Variants in PAK2 observed in about 807,000 individuals in gnomAD.
The protein encoded by PAK2 is p21 (RAC1) activated kinase 2, also known as serine/threonine-protein kinase PAK 2.
A neutral mutation model predicts 65.9 loss-of-function variants in PAK2; 21 were observed. The ratio of observed to expected loss-of-function variants is 0.32; its 90% CI spans 0.23 to 0.46. PAK2 has a LOEUF of 0.46. Ranked by LOEUF, PAK2 falls within the 20% of genes least tolerant of loss-of-function variation. The probability of loss-of-function intolerance (pLI) is 1.00; values close to 1 mark genes in which losing one functional copy is unlikely to be tolerated. For missense variants in PAK2, 324 were observed against 642.6 expected, an observed-to-expected ratio of 0.50 and a Z score of 5.36; for synonymous variants, 204 against 219.7, an observed-to-expected ratio of 0.93 and a Z score of 0.63.
chr3:196,817,378 T>TC (rs1711513579), intron 11 of PAK2, among the ~76,000 whole-genome samples: 1 of 151,584 alleles, frequency 6.6e-6, no homozygotes, highest in African/African-American at 2.4e-5. Flanking sequence ...CGAGATGGAG[T>TC]CTTGCTCTGT....
chr3:196,741,232 G>A (rs1221652456), intron 1 of PAK2, among the ~76,000 whole-genome samples: 1 of 152,176 alleles, frequency 6.6e-6, no homozygotes, highest in Non-Finnish European at 1.5e-5. Context: ...GCTCTTATAA[G>A]TAGGCAGGAT....
In PAK2 at chr3:196,805,330, TTA is replaced by T; in HGVS notation, c.437-20_437-19del. 1 of 1,336,884 alleles carries T rather than the reference TTA, an allele frequency of 7.5e-7. No individual in the cohort carries two copies. Among genetic ancestry groups the T allele is most frequent in the East Asian group, 2.5e-5 (1 of 39,784 alleles). 82.8% of individuals were successfully genotyped at this position (1,336,884 alleles called of 1,614,324 possible). Reference sequence around the variant, plus strand: ...AGTGCTGTTTCTTGAATTGCTAATGTTATGTTTTGTTTCATATTCAGAGAAAG... The same window carrying T: ...AGTGCTGTTTCTTGAATTGCTAATGTTGTTTTGTTTCATATTCAGAGAAAG... On this transcript the variant is annotated intron_variant, in intron 4 of 14. Coordinates refer to ENST00000327134, the MANE Select transcript of PAK2 (RefSeq NM_002577.4).
intron 10 of PAK2, among the ~76,000 whole-genome samples, chr3:196,814,110 T>C (rs1177305044): frequency 1.3e-5 from 2 of 152,184 alleles, no homozygotes; most frequent in Non-Finnish European, 2.9e-5. Flanking sequence ...AATAGCTGTG[T>C]GCCCTTGGAT....
intron 2 of PAK2, among the ~76,000 whole-genome samples, chr3:196,797,792 T>C (rs1447190314): frequency 2.6e-5 from 4 of 151,788 alleles, no homozygotes; most frequent in African/African-American, 9.7e-5. Flanking sequence ...TTATATAAAG[T>C]GTGTTCTTGT....
chr3:196,759,448 A>G (rs1015747202), intron 1 of PAK2, among the ~76,000 whole-genome samples: 3 of 146,564 alleles, frequency 2.0e-5, no homozygotes, highest in East Asian at 3.9e-4. Context: ...ACAGATATTC[A>G]TATACAGTAA....
At chr3:196,806,430 C>T in intron 5 of PAK2, 149 bp from the exon 6 acceptor site, 2 of 563,764 alleles carry the variant, frequency 3.5e-6, no homozygotes, top group Non-Finnish European at 6.4e-6. Context: ...GATTATAATT[C>T]TATTGAGTTA....
intron 12 of PAK2, among the ~76,000 whole-genome samples, chr3:196,818,817 C>CTA (rs1711559768): frequency 6.6e-6 from 1 of 151,944 alleles, no homozygotes; most frequent in Non-Finnish European, 1.5e-5. Context: ...TGTCTTTATG[C>CTA]CTCAGTATTC....
intron 1 of PAK2, among the ~76,000 whole-genome samples, chr3:196,742,017 A>G (rs1416593183): frequency 6.6e-6 from 1 of 152,068 alleles, no homozygotes; most frequent in African/African-American, 2.4e-5. Flanking sequence ...TTAAGTTTAT[A>G]GTTCGAGTAT....
intron 13 of PAK2, among the ~76,000 whole-genome samples, chr3:196,823,818 A>G (rs1303350738): frequency 6.6e-6 from 1 of 151,608 alleles, no homozygotes; most frequent in Non-Finnish European, 1.5e-5. Flanking sequence ...TCGCAAAAAA[A>G]AAAAAAAAGA....
intron 1 of PAK2, among the ~76,000 whole-genome samples, chr3:196,780,761 G>A (rs1382356828): frequency 6.6e-6 from 1 of 152,116 alleles, no homozygotes; most frequent in Non-Finnish European, 1.5e-5. Context: ...TGTAAGATTT[G>A]GTATAAGCTT....
intron 13 of PAK2, among the ~76,000 whole-genome samples, chr3:196,823,608 G>A (rs140683063): frequency 5.3e-4 from 81 of 152,080 alleles, no homozygotes; most frequent in Non-Finnish European, 1.1e-3. Flanking sequence ...GCTCATGCTT[G>A]TAATCTCAGC....
At chr3:196,815,374 C>G (rs1715979951) in intron 11 of PAK2, among the ~76,000 whole-genome samples, 1 of 151,734 alleles carries the variant, frequency 6.6e-6, no homozygotes, top group South Asian at 2.1e-4. Context: ...CGCCTGTAAT[C>G]CCAGCTACTC....
rs965685083 is a variant in PAK2 at position 196,830,429 on chromosome 3, T to G, written c.*2024T>G. 2.0e-5 allele frequency: 3 copies of G among 152,192 alleles called. No individual in the cohort carries two copies. Among genetic ancestry groups the G allele is most frequent in the Non-Finnish European group, 4.4e-5 (3 of 68,044 alleles). The allele number at this position is 152,192 out of a possible 1,614,324, so 9.4% of individuals were successfully genotyped here. On this transcript the variant is annotated 3_prime_UTR_variant, in exon 15 of 15. Coordinates refer to ENST00000327134, the MANE Select transcript of PAK2 (RefSeq NM_002577.4). ...CATTCTTTGTAAACAGTTGGATGGA[T>G]TATGATAAAGAAGATGCTACCAATG...
intron 13 of PAK2, among the ~76,000 whole-genome samples, chr3:196,825,238 C>T (rs553101495): frequency 2.6e-5 from 4 of 151,674 alleles, no homozygotes; most frequent in East Asian, 1.9e-4. Context: ...CCCAGCTACT[C>T]GGGAGGCTGA....
intron 1 of PAK2, among the ~76,000 whole-genome samples, chr3:196,772,551 C>G (rs938417068): frequency 6.6e-6 from 1 of 152,178 alleles, no homozygotes; most frequent in Admixed American, 6.6e-5. Flanking sequence ...TTCTGCATCT[C>G]TTTTCTCGCT....
Position 196,807,161 on chromosome 3 carries a change from A to AG in PAK2, c.576+477dup, listed in dbSNP as rs1309995218. ...AAAAATGATGACCTTAAATGGAGCC[A>AG]GGAAGAGAGGAATGACTGCGGTTAC... On this transcript the variant is annotated intron_variant, in intron 6 of 14. Coordinates refer to ENST00000327134, the MANE Select transcript of PAK2 (RefSeq NM_002577.4). 9.3e-4 allele frequency among the ~76,000 whole-genome samples: 141 copies of AG among 152,318 alleles called. 1 individual carries two copies. Among genetic ancestry groups the AG allele is most frequent in the African/African-American group, 3.3e-3 (138 of 41,566 alleles).
chr3:196,811,426 G>C (rs1715820343), intron 8 of PAK2, among the ~76,000 whole-genome samples: 1 of 84,412 alleles, frequency 1.2e-5, no homozygotes, highest in Non-Finnish European at 2.1e-5. Flanking sequence ...CTGTCACTCA[G>C]GCTGGAGTGC....
intron 1 of PAK2, among the ~76,000 whole-genome samples, chr3:196,746,813 T>TAAAAA (rs71621294): frequency 1.5e-5 from 2 of 129,080 alleles, no homozygotes; most frequent in Non-Finnish European, 3.2e-5. Flanking sequence ...TCTGTCTCAT[T>TAAAAA]AAAAAAAAAA....
At chr3:196,794,484 C>T (rs1560106700) in intron 2 of PAK2, among the ~76,000 whole-genome samples, 1 of 152,194 alleles carries the variant, frequency 6.6e-6, no homozygotes, top group Admixed American at 6.5e-5. Context: ...CCGCCTGGCG[C>T]CAAGTGTGGG....
Sources: gnomAD v4.1 joint callset for allele counts (sites outside exome capture counted in the v4.1 genomes callset) on GRCh38, gnomAD v4.1.1 for gene constraint, MANE v1.5 for transcripts, NCBI Gene and HGNC (gene_info 2026-07-23, HGNC 2026-07-21) for gene names.